The following RHOT2 variants were observed in gnomAD, a reference collection of about 807,000 sequenced individuals.
RHOT2 encodes the protein ras homolog family member T2, also known as mitochondrial Rho GTPase 2.
A neutral mutation model predicts 81.6 loss-of-function variants in RHOT2; 90 were observed. The ratio of observed to expected loss-of-function variants is 1.10; its 90% CI spans 0.93 to 1.31. The LOEUF (loss-of-function observed/expected upper bound fraction) is 1.31. Among genes scored for constraint, RHOT2 ranks in the 40% most tolerant of loss-of-function variants. The pLI is 0.00. For missense variants in RHOT2, 1,014 were observed against 841.9 expected, an observed-to-expected ratio of 1.20 and a Z score of -2.53; for synonymous variants, 512 against 370.9, an observed-to-expected ratio of 1.38 and a Z score of -4.37.
In RHOT2 at chr16:673,107, G is replaced by C; in HGVS notation, c.1707G>C (p.Gln569His). 1 of 1,611,328 alleles carries C rather than the reference G, an allele frequency of 6.2e-7. No homozygotes were observed. The highest frequency in any genetic ancestry group is 8.5e-7 in the Non-Finnish European group (1 of 1,179,874). ...PAEPSTTIFTQLATMAAFPHL... is the reference protein window; with the variant it reads ...PAEPSTTIFTHLATMAAFPHL... ...AGCCCAGCACCACCATCTTCACCCA[G>C]CTCGCCACCATGGCCGCCTTCCCGT... Residue 569 changes from glutamine to histidine, a missense_variant, in exon 18 of 19, where the codon CAG (glutamine) becomes CAC (histidine). Transcript: ENST00000315082.
At position 670,737 on chromosome 16, in the gene RHOT2, C is replaced by A; in HGVS notation, c.603C>A (p.Asp201Glu). 1 of 1,612,452 alleles carries A rather than the reference C, an allele frequency of 6.2e-7. No homozygotes were observed. Among genetic ancestry groups the A allele is most frequent in the East Asian group, 2.2e-5 (1 of 44,878 alleles). The part of the protein sequence containing the change: ...RIFRLSDQDL[D>E]QALSDEELNA... ...TCAGGCTCTCAGATCAGGACCTGGA[C>A]CAGGCGCTCAGTGACGAAGAGCTCA... The change falls in exon 9 of 19, where the codon GAC becomes GAA. Residue 201 changes from aspartate to glutamate, a missense_variant. Asp to Glu is a conservative substitution (Grantham distance 45). Coordinates refer to ENST00000315082, the MANE Select transcript of RHOT2 (RefSeq NM_138769.3).
intron 12 of RHOT2, 24 bp downstream of exon 12, chr16:671,805 C>CCCCTGG: frequency 7.9e-7 from 1 of 1,267,798 alleles, no homozygotes; most frequent in South Asian, 1.2e-5. Flanking sequence ...GAGTCCCCTG[C>CCCCTGG]CCCTGCCCCC....
chr16:669,705 C>A, intron 5 of RHOT2, 99 bp downstream of exon 5: 1 of 1,242,410 alleles, frequency 8.0e-7, no homozygotes, highest in Non-Finnish European at 1.2e-6. Flanking sequence ...TCGCTCACAG[C>A]ATTTTGGGGA....
Position 671,939 on chromosome 16 carries a change from T to C in RHOT2, c.1034T>C (p.Leu345Pro). 1 of 1,611,724 alleles carries C rather than the reference T, an allele frequency of 6.2e-7. No individual in the cohort carries two copies. Among genetic ancestry groups the C allele is most frequent in the Non-Finnish European group, 8.5e-7 (1 of 1,179,784 alleles). ...CCAGCAGCGCCCTGGGGCCCCGAGC[T>C]CCCACGCACAGTCCGCACAGAGGCC... ...VFPAAPWGPELPRTVRTEAGR... is the reference protein window; with the variant it reads ...VFPAAPWGPEPPRTVRTEAGR... Residue 345 changes from leucine (L) to proline (P), a missense_variant, in exon 13 of 19, where the codon CTC becomes CCC. By Grantham distance (98) the Leu-to-Pro change is moderately conservative. Transcript: ENST00000315082.
At chr16:669,930 C>T in intron 5 of RHOT2, 193 bp from the exon 6 acceptor site, 1 of 618,768 alleles carries the variant, frequency 1.6e-6, no homozygotes, top group Admixed American at 3.0e-5. Flanking sequence ...TGTTTGGGAG[C>T]CATTGGGGTC....
intron 11 of RHOT2, 169 bp downstream of exon 11, chr16:671,372 C>T: frequency 2.1e-6 from 2 of 941,746 alleles, no homozygotes; most frequent in Non-Finnish European, 3.1e-6. Context: ...CCTGGCTGTG[C>T]CCTGAACCCC....
At position 673,078 on chromosome 16, in the gene RHOT2, G is replaced by A; in HGVS notation, c.1678G>A (p.Ala560Thr). 6.2e-7 allele frequency: 1 copy of A among 1,611,662 alleles called. No homozygotes were observed. The highest frequency in any genetic ancestry group is 8.5e-7 in the Non-Finnish European group (1 of 1,179,936). The change falls in exon 18 of 19, where the codon GCC becomes ACC. Residue 560 changes from alanine to threonine, a missense_variant. Transcript: ENST00000315082. Reference sequence around the variant, plus strand: ...CGTGCCGTTCTCCTGTGCTGGCCCAGCCGAGCCCAGCACCACCATCTTCAC... The same window carrying A: ...CGTGCCGTTCTCCTGTGCTGGCCCAACCGAGCCCAGCACCACCATCTTCAC... ...APVPFSCAGP[A>T]EPSTTIFTQL...
In RHOT2 at chr16:670,547, A is replaced by C. The variant is rs1453341168; in HGVS notation, c.530A>C (p.Glu177Ala). 3.1e-6 allele frequency: 5 copies of C among 1,604,814 alleles called. No homozygotes were observed. Among genetic ancestry groups the C allele is most frequent in the Non-Finnish European group, 4.3e-6 (5 of 1,175,520 alleles). ...CCCACAGCCCCCCTCTATGACCCTG[A>C]GGCCAAGCAGGTGAGCATCGGCTGG... ...LHPTAPLYDP[E>A]AKQLRPACAQ... Residue 177 changes from glutamate (E) to alanine (A), a missense_variant, in exon 8 of 19, where the codon GAG (glutamate) becomes GCG (alanine). Physicochemically the swap from Glu to Ala is moderately radical, Grantham distance 107. Transcript: ENST00000315082.
Position 673,686 on chromosome 16 carries a change from T to C in RHOT2, c.*80T>C, listed in dbSNP as rs1282251975. 69 of 1,523,862 alleles carry C rather than the reference T, an allele frequency of 4.5e-5. No homozygotes were observed. Among genetic ancestry groups the C allele is most frequent in the Non-Finnish European group, 4.8e-5 (54 of 1,134,166 alleles). 94.4% of individuals were successfully genotyped at this position (1,523,862 alleles called of 1,614,324 possible). Reference sequence around the variant, plus strand: ...CTCTGCAGGGGCAGCACAGCTGGGGTGCAGGCCAGGCTGCCACTCCGGGAA... The same window carrying C: ...CTCTGCAGGGGCAGCACAGCTGGGGCGCAGGCCAGGCTGCCACTCCGGGAA... On this transcript the variant is annotated 3_prime_UTR_variant, in exon 19 of 19. Coordinates refer to ENST00000315082, the MANE Select transcript of RHOT2 (RefSeq NM_138769.3).
At position 671,951 on chromosome 16, in the gene RHOT2, T is replaced by G. The variant is rs573780442; in HGVS notation, c.1046T>G (p.Val349Gly). The G allele has an allele frequency of 4.6e-5, 74 of 1,612,224 alleles. 1 individual carries two copies. The South Asian group carries it at 8.0e-4, about 17-fold the overall frequency. ...TGGGGCCCCGAGCTCCCACGCACAG[T>G]CCGCACAGAGGCCGGCCGGTTGCCC... is the stretch of plus-strand genomic sequence containing the variant. ...APWGPELPRT[V>G]RTEAGRLPLH... The change falls in exon 13 of 19, where the codon GTC becomes GGC. Residue 349 changes from valine (V) to glycine (G), a missense_variant. Val to Gly is a moderately radical substitution (Grantham distance 109). Coordinates refer to ENST00000315082, the MANE Select transcript of RHOT2 (RefSeq NM_138769.3).
chr16:671,695 A>G lies in RHOT2; in HGVS notation c.870-2A>G. 6.2e-7 allele frequency: 1 copy of G among 1,611,556 alleles called. No homozygotes were observed. Among genetic ancestry groups the G allele is most frequent in the East Asian group, 2.2e-5 (1 of 44,850 alleles). ...GCTAGACGGGCTGTGGCCTCCCTGC[A>G]GGATCCACGTGCCCCCCGGCTGCAG... On this transcript the variant is annotated splice_acceptor_variant, in intron 11 of 18. Transcript: ENST00000315082. LOFTEE classifies it high-confidence loss of function.
rs1478852754 is a variant in RHOT2 at position 671,848 on chromosome 16, C to T, written c.955-12C>T. ...CCCCGGCACACACATCACCACATCC[C>T]TCCTTCTGCAGGACCGCGACGGCGC... On this transcript the variant is annotated splice_polypyrimidine_tract_variant and intron_variant, in intron 12 of 18. Coordinates refer to ENST00000315082, the MANE Select transcript of RHOT2 (RefSeq NM_138769.3). The T allele has an allele frequency of 1.9e-6, 3 of 1,609,654 alleles. No individual in the cohort carries two copies. The highest frequency in any genetic ancestry group is 2.2e-5 in the South Asian group (2 of 90,884).
chr16:670,192 G>T lies in RHOT2; in HGVS notation c.329+17G>T. The T allele has an allele frequency of 6.2e-7, 1 of 1,608,856 alleles. No homozygotes were observed. On this transcript the variant is annotated intron_variant, in intron 6 of 18. Transcript: ENST00000315082. ...GGGGCCCAGGTAATGAGGGGATGTG[G>T]AAGGGGCTGGGACCCCTGGCTCCCC... is the stretch of plus-strand genomic sequence containing the variant.
rs1299245737 is a variant in RHOT2, at chr16:668,837, C to T, written c.222+138C>T. 1.1e-5 allele frequency: 10 copies of T among 927,482 alleles called. No homozygotes were observed. The East Asian group carries it at 1.2e-4, about 11-fold the overall frequency. 57.5% of individuals were successfully genotyped at this position (927,482 alleles called of 1,614,324 possible). A position where few individuals can be genotyped will look rare whatever the true frequency, so the allele number is the denominator to read the frequency against. ...CTGTGACCTCCGCACTGAGGGTTGT[C>T]GGGGCCCCTACAGCGCACCCCGCTG... On this transcript the variant is annotated intron_variant, in intron 4 of 18. Transcript: ENST00000315082.
chr16:669,853 CG>C (rs139943560), intron 5 of RHOT2: 107 of 612,058 alleles, frequency 1.7e-4, no homozygotes, highest in Non-Finnish European at 2.4e-4. Flanking sequence ...TCCAAACCCC[CG>C]GGGGGGGACC....
chr16:671,810 G>GCCCCTGC lies in RHOT2; in HGVS notation c.954+33_954+34insTGCCCCC, dbSNP rs1596515017. On this transcript the variant is annotated intron_variant, in intron 12 of 18. Transcript: ENST00000315082. Reference sequence around the variant, plus strand: ...AGAGCATGGCGAGTCCCCTGCCCCTGCCCCCGCCCCCTCCCCGGCACACAC... The same window carrying GCCCCTGC: ...AGAGCATGGCGAGTCCCCTGCCCCTGCCCCTGCCCCCCGCCCCCTCCCCGGCACACAC... The GCCCCTGC allele has an allele frequency of 2.0e-5, 31 of 1,586,174 alleles. No individual in the cohort carries two copies. The East Asian group carries it at 2.3e-4, about 12-fold the overall frequency.
At position 671,989 on chromosome 16, in the gene RHOT2, C is replaced by A. The variant is rs1403018788; in HGVS notation, c.1084C>A (p.Leu362Ile). Residue 362 changes from leucine (L) to isoleucine (I), a missense_variant, in exon 13 of 19, where the codon CTC becomes ATC. By Grantham distance (5) the Leu-to-Ile change is conservative. Coordinates refer to ENST00000315082, the MANE Select transcript of RHOT2 (RefSeq NM_138769.3). Reference sequence around the variant, plus strand: ...CGGCCGGTTGCCCCTGCACGGATACCTCTGCCAGTGGACGTAAGTGCGGCC... The same window carrying A: ...CGGCCGGTTGCCCCTGCACGGATACATCTGCCAGTGGACGTAAGTGCGGCC... ...EAGRLPLHGY[L>I]CQWTLVTYLD... The A allele has an allele frequency of 1.2e-6, 2 of 1,611,898 alleles. No homozygotes were observed. The highest frequency in any genetic ancestry group is 2.2e-5 in the East Asian group (1 of 44,888).
rs757280578 is a variant in RHOT2 at position 668,640 on chromosome 16, C to G, written c.179-16C>G. On this transcript the variant is annotated splice_polypyrimidine_tract_variant and intron_variant, in intron 3 of 18. Transcript: ENST00000315082. ...GGGCCTGCTGGGTCCGCAGTGGAGT[C>G]TCTTTGTCCCCCTAGAAGCCGAGCA... 6.2e-6 allele frequency: 10 copies of G among 1,608,370 alleles called. No homozygotes were observed. In the South Asian group the frequency reaches 8.9e-5, roughly 14 times the overall value.
chr16:669,148 C>T, intron 4 of RHOT2: 3 of 385,924 alleles, frequency 7.8e-6, no homozygotes, highest in South Asian at 3.1e-5. Context: ...TCCTGTCACT[C>T]TGTCTGTAGC....
Sources: gnomAD v4.1 joint callset for allele counts on GRCh38, gnomAD v4.1.1 for gene constraint, MANE v1.5 for transcripts, NCBI Gene and HGNC (gene_info 2026-07-23, HGNC 2026-07-21) for gene names.